DYRK1A: variants seen among roughly 807,000 people sequenced by gnomAD.
DYRK1A encodes the protein dual specificity tyrosine-phosphorylation-regulated kinase 1A.
Under a neutral mutation model 79.7 loss-of-function variants are expected in DYRK1A, and 9 were observed. The ratio of observed to expected loss-of-function variants is 0.11; its 90% CI spans 0.07 to 0.20. DYRK1A has a LOEUF of 0.20. Among genes scored for constraint, DYRK1A ranks in the 10% least tolerant of loss-of-function variants. The pLI is 1.00. For missense variants in DYRK1A, 622 were observed against 956.0 expected, an observed-to-expected ratio of 0.65 and a Z score of 4.61; for synonymous variants, 349 against 329.7, an observed-to-expected ratio of 1.06 and a Z score of -0.63.
intron 1 of DYRK1A, among the ~76,000 whole-genome samples, chr21:37,385,196 A>G (rs887309546): frequency 2.6e-5 from 4 of 152,318 alleles, no homozygotes; most frequent in East Asian, 1.9e-4. Flanking sequence ...CTAAATGACA[A>G]TATCACCACA....
chr21:37,500,068 A>T (rs2053395268), intron 9 of DYRK1A, among the ~76,000 whole-genome samples: 1 of 152,060 alleles, frequency 6.6e-6, no homozygotes, highest in African/African-American at 2.4e-5. Flanking sequence ...CCCTGCGTAT[A>T]CTGAGGGATG....
rs1461039855 is a variant in DYRK1A, at chr21:37,506,214, C to G, written c.1635C>G (p.His545Gln). 1.9e-6 allele frequency: 3 copies of G among 1,614,110 alleles called. No individual in the cohort carries two copies. Among genetic ancestry groups the G allele is most frequent in the Non-Finnish European group, 2.5e-6 (3 of 1,180,018 alleles). Residue 545 changes from histidine (H) to glutamine (Q), a missense_variant, in exon 11 of 12, where the codon CAC (histidine) becomes CAG (glutamine). His to Gln is a conservative substitution (Grantham distance 24). Coordinates refer to ENST00000647188, the MANE Select transcript of DYRK1A (RefSeq NM_001347721.2). ...AAVQAMDCET[H>Q]SPQVRQQFPA... is the part of the protein sequence containing the mutation. ...TGCAGGCCATGGACTGCGAGACACA[C>G]AGTCCCCAGGTGAGCTCGCACGTGG...
intron 2 of DYRK1A, chr21:37,456,121 A>G (rs965817690): frequency 2.0e-5 from 3 of 152,074 alleles, no homozygotes; most frequent in African/African-American, 7.2e-5. Flanking sequence ...TCTATATTCT[A>G]TTTTCCAGCC....
chr21:37,452,588 G>A (rs1402906820), intron 2 of DYRK1A, among the ~76,000 whole-genome samples: 1 of 152,112 alleles, frequency 6.6e-6, no homozygotes. Context: ...GACAGCCACT[G>A]CCAATCTATT....
Position 37,512,416 on chromosome 21 carries a change from C to G in DYRK1A, c.2150C>G (p.Thr717Arg), listed in dbSNP as rs1317673533. The G allele has an allele frequency of 6.2e-7, 1 of 1,614,120 alleles. No homozygotes were observed. The highest frequency in any genetic ancestry group is 1.7e-5 in the Admixed American group (1 of 60,008). Residue 717 changes from threonine (T) to arginine (R), a missense_variant, in exon 12 of 12, where the codon ACA becomes AGA. Physicochemically the swap from Thr to Arg is moderately conservative, Grantham distance 71. Coordinates refer to ENST00000647188, the MANE Select transcript of DYRK1A (RefSeq NM_001347721.2). ...CCAACATACCAATTTTCTGCTAATACAGGTCCTGCACATTACATGACTGAA... is the reference window on the plus strand; with the variant it reads ...CCAACATACCAATTTTCTGCTAATAGAGGTCCTGCACATTACATGACTGAA... ...GHPTYQFSAN[T>R]GPAHYMTEGH...
chr21:37,435,273 GACTA>G (rs1405963537), intron 2 of DYRK1A, among the ~76,000 whole-genome samples: 1 of 152,178 alleles, frequency 6.6e-6, no homozygotes, highest in Non-Finnish European at 1.5e-5. Flanking sequence ...CTAGCATCCT[GACTA>G]ACAGTTCCAA....
intron 2 of DYRK1A, among the ~76,000 whole-genome samples, chr21:37,447,576 A>G (rs867346679): frequency 6.6e-6 from 1 of 152,154 alleles, no homozygotes. Context: ...CAGAAGCTTC[A>G]TCTTCCGCAA....
At position 37,367,973 on chromosome 21, in the gene DYRK1A, A is replaced by G. The variant is rs368433705; in HGVS notation, c.-77+345A>G. ...CCTCCTCCTCCTCCTCTTCCTCCTC[A>G]TCCTCTTCCCCCAGCTCCTCCCTCG... On this transcript the variant is annotated intron_variant, in intron 1 of 11. Transcript: ENST00000647188. The G allele has an allele frequency of 1.2e-4, 20 of 163,152 alleles. No individual in the cohort carries two copies. In the East Asian group the frequency reaches 1.3e-3, roughly 10 times the overall value. The allele number at this position is 163,152 out of a possible 1,614,324, so 10.1% of individuals were successfully genotyped here.
At chr21:37,444,549 CATGAG>C (rs561505982) in intron 2 of DYRK1A, among the ~76,000 whole-genome samples, 203 of 152,236 alleles carry the variant, frequency 1.3e-3, no homozygotes, top group Middle Eastern at 6.8e-3. Context: ...TGTGGGGAGT[CATGAG>C]GTAAGAACAG....
intron 1 of DYRK1A, among the ~76,000 whole-genome samples, chr21:37,417,316 G>T (rs1458553730): frequency 6.6e-6 from 1 of 151,832 alleles, no homozygotes; most frequent in African/African-American, 2.4e-5. Context: ...TCAGCCTCCT[G>T]AGTAGCTGGG....
rs2049791323 is a variant in DYRK1A at position 37,387,892 on chromosome 21, A to C, written c.-77+20264A>C. ...ATGGCCTTCTAGCTTCATACAGCAG[A>C]TACAGTTTGAATTTTGGATTTCGTT... On this transcript the variant is annotated intron_variant, in intron 1 of 11. Transcript: ENST00000647188. Among the ~76,000 whole-genome samples, 3 of 152,210 alleles carry C rather than the reference A, an allele frequency of 2.0e-5. No homozygotes were observed. In the South Asian group the frequency reaches 6.2e-4, roughly 32 times the overall value.
At chr21:37,509,711 C>T (rs905493741) in intron 11 of DYRK1A, among the ~76,000 whole-genome samples, 4 of 152,204 alleles carry the variant, frequency 2.6e-5, no homozygotes, top group South Asian at 2.1e-4. Context: ...CGATGTGAGC[C>T]GTCTTGGCCA....
Position 37,519,746 on chromosome 21 carries a change from T to TTTTTTTTTTGTTTTTG in DYRK1A, c.*7224_*7225insGTTTTTGTTTTTTTTT, listed in dbSNP as rs2053918466. On this transcript the variant is annotated 3_prime_UTR_variant, in exon 12 of 12. Transcript: ENST00000647188. ...GGTTTGTTGTGGGAAGTTTTTTTTTTTTTTTTTTTTTTTGAGGCGGAGTCT... is the reference window on the plus strand; with the variant it reads ...GGTTTGTTGTGGGAAGTTTTTTTTTTTTTTTTTTTGTTTTTGTTTTTTTTTTTTTGAGGCGGAGTCT... 2 of 137,480 alleles carry TTTTTTTTTTGTTTTTG rather than the reference T, an allele frequency of 1.5e-5. No homozygotes were observed. The highest frequency in any genetic ancestry group is 6.2e-5 in the African/African-American group (2 of 32,500). 8.5% of individuals were successfully genotyped at this position (137,480 alleles called of 1,614,324 possible). A position where few individuals can be genotyped will look rare whatever the true frequency, so the allele number is the denominator to read the frequency against.
chr21:37,449,081 T>C (rs750204156), intron 2 of DYRK1A, among the ~76,000 whole-genome samples: 10 of 152,206 alleles, frequency 6.6e-5, no homozygotes, highest in Non-Finnish European at 1.3e-4. Flanking sequence ...GAAAAAAGTC[T>C]ACTCTCTCAA....
intron 1 of DYRK1A, among the ~76,000 whole-genome samples, chr21:37,401,236 C>A (rs897089675): frequency 6.6e-6 from 1 of 151,430 alleles, no homozygotes; most frequent in African/African-American, 2.4e-5. Flanking sequence ...CTAATATAGC[C>A]CATTGTGAAT....
At chr21:37,492,909 T>G in intron 7 of DYRK1A, 108 bp from the exon 8 acceptor site, 1 of 885,468 alleles carries the variant, frequency 1.1e-6, no homozygotes, top group Non-Finnish European at 1.7e-6. Flanking sequence ...GAACCCTAAT[T>G]CAGGAATTAG....
At chr21:37,510,373 C>T (rs890644073) in intron 11 of DYRK1A, among the ~76,000 whole-genome samples, 1 of 152,142 alleles carries the variant, frequency 6.6e-6, no homozygotes, top group Non-Finnish European at 1.5e-5. Flanking sequence ...GTTCTCAGAC[C>T]ACCTTTGTTG....
At chr21:37,399,348 A>G (rs985102448) in intron 1 of DYRK1A, among the ~76,000 whole-genome samples, 1 of 152,056 alleles carries the variant, frequency 6.6e-6, no homozygotes, top group African/African-American at 2.4e-5. Context: ...GATTGCTGCT[A>G]CCCCATTATG....
chr21:37,385,820 C>T (rs1049757580), intron 1 of DYRK1A, among the ~76,000 whole-genome samples: 5 of 152,138 alleles, frequency 3.3e-5, no homozygotes, highest in Non-Finnish European at 7.4e-5. Flanking sequence ...GAAAGATTTT[C>T]CCTCTGTTTC....
Sources: gnomAD v4.1 joint callset for allele counts (sites outside exome capture counted in the v4.1 genomes callset) on GRCh38, gnomAD v4.1.1 for gene constraint, MANE v1.5 for transcripts, NCBI Gene and HGNC (gene_info 2026-07-23, HGNC 2026-07-21) for gene names.